Variants in MYO10 observed in about 807,000 individuals in gnomAD.
MYO10 encodes myosin X, also known as unconventional myosin-X.
In MYO10, 133 loss-of-function variants were observed where a neutral mutation model predicts 257.3. The ratio of observed to expected loss-of-function variants is 0.52; its 90% CI spans 0.45 to 0.60. The LOEUF is 0.60. Among genes scored for constraint, MYO10 ranks in the 20% least tolerant of loss-of-function variants. The pLI is 0.00. For missense variants in MYO10, 2,399 were observed against 2,635.7 expected, an observed-to-expected ratio of 0.91 and a Z score of 1.97; for synonymous variants, 1,104 against 1,028.6, an observed-to-expected ratio of 1.07 and a Z score of -1.40.
chr5:16,866,855 G>A (rs1336877840), intron 2 of MYO10, among the ~76,000 whole-genome samples: 2 of 152,064 alleles, frequency 1.3e-5, no homozygotes, highest in Non-Finnish European at 2.9e-5. Flanking sequence ...CCAACCTCAC[G>A]CATTTACTGC....
intron 19 of MYO10, among the ~76,000 whole-genome samples, chr5:16,754,190 T>C (rs1282849840): frequency 2.0e-5 from 3 of 152,176 alleles, no homozygotes; most frequent in Non-Finnish European, 4.4e-5. Context: ...CCTAATTAGC[T>C]GTGGATTCAG....
intron 2 of MYO10, among the ~76,000 whole-genome samples, chr5:16,854,748 T>C (rs907497169): frequency 1.3e-5 from 2 of 152,086 alleles, no homozygotes; most frequent in Non-Finnish European, 2.9e-5. Flanking sequence ...AACAAAACTA[T>C]TGGCCGGGCA....
At chr5:16,676,984 C>T (rs772155650) in intron 33 of MYO10, among the ~76,000 whole-genome samples, 1 of 152,192 alleles carries the variant, frequency 6.6e-6, no homozygotes, top group East Asian at 1.9e-4. Flanking sequence ...TTTCTATTCT[C>T]TCTATACCTG....
chr5:16,793,741 C>T (rs1225346858), intron 4 of MYO10, among the ~76,000 whole-genome samples: 1 of 152,016 alleles, frequency 6.6e-6, no homozygotes, highest in Non-Finnish European at 1.5e-5. Flanking sequence ...ACCAGCCTGA[C>T]CAACACAGAG....
intron 2 of MYO10, among the ~76,000 whole-genome samples, chr5:16,866,051 AC>A (rs1452491571): frequency 4.0e-5 from 6 of 149,846 alleles, no homozygotes; most frequent in Admixed American, 2.0e-4. Context: ...ACACACACAC[AC>A]ACACACAAAA....
At chr5:16,810,288 C>T (rs27623) in intron 3 of MYO10, among the ~76,000 whole-genome samples, 2,077 of 151,968 alleles carry the variant, frequency 0.014, 20 homozygotes, top group Middle Eastern at 0.02. Flanking sequence ...TTGACAAGAC[C>T]GGGAGACAGT....
intron 2 of MYO10, among the ~76,000 whole-genome samples, chr5:16,822,263 T>TG (rs767625381): frequency 7.2e-6 from 1 of 138,620 alleles, no homozygotes; most frequent in Non-Finnish European, 1.5e-5. Flanking sequence ...AAATAAAAGT[T>TG]GGAAAAAAAA....
At chr5:16,909,821 T>G (rs1462579122) in intron 1 of MYO10, among the ~76,000 whole-genome samples, 6 of 152,114 alleles carry the variant, frequency 3.9e-5, no homozygotes, top group Non-Finnish European at 8.8e-5. Flanking sequence ...AGGAACTCAT[T>G]CTTACAGGGA....
At chr5:16,819,634 G>A (rs1460953831) in intron 2 of MYO10, among the ~76,000 whole-genome samples, 1 of 152,192 alleles carries the variant, frequency 6.6e-6, no homozygotes, top group Non-Finnish European at 1.5e-5. Flanking sequence ...GTGCATGTGT[G>A]CACACAAAAC....
At chr5:16,896,882 C>G (rs1164649279) in intron 1 of MYO10, among the ~76,000 whole-genome samples, 1 of 152,030 alleles carries the variant, frequency 6.6e-6, no homozygotes, top group East Asian at 1.9e-4. Context: ...TTCGGTGATT[C>G]TCAAACCTGG....
At chr5:16,739,409 T>C (rs992561755) in intron 19 of MYO10, among the ~76,000 whole-genome samples, 4 of 152,208 alleles carry the variant, frequency 2.6e-5, no homozygotes, top group African/African-American at 9.6e-5. Flanking sequence ...ATTAAAGCTA[T>C]ACATCCATTG....
In MYO10 at chr5:16,699,565, A is replaced by G. The variant is rs1191943951; in HGVS notation, c.3441T>C (p.Asp1147=). ...SSEGAQSSFE[D]SEEDFDSRFD... Reference sequence around the variant, plus strand: ...ACCTGGAATCAAAGTCCTCTTCACTATCTTCAAACTGGACCGAGAGAGAGA... The same window carrying G: ...ACCTGGAATCAAAGTCCTCTTCACTGTCTTCAAACTGGACCGAGAGAGAGA... Residue 1147 remains aspartate (D), a synonymous_variant, in exon 26 of 41, where the codon GAT becomes GAC. Transcript: ENST00000513610. The G allele has an allele frequency of 2.5e-6, 4 of 1,613,606 alleles. No individual in the cohort carries two copies. Among genetic ancestry groups the G allele is most frequent in the Non-Finnish European group, 3.4e-6 (4 of 1,179,874 alleles).
Position 16,673,766 on chromosome 5 carries a change from G to A in MYO10, c.5088C>T (p.His1696=), listed in dbSNP as rs2126472648. ...PSRDEIEALI[H]RQEMTSTVYC... Reference sequence around the variant, plus strand: ...AGACCGTGGATGTCATTTCCTGCCTGTGGATCAGAGCTTCTATTTCATCTC... The same window carrying A: ...AGACCGTGGATGTCATTTCCTGCCTATGGATCAGAGCTTCTATTTCATCTC... Residue 1696 remains histidine (H), a synonymous_variant, in exon 36 of 41, where the codon CAC becomes CAT. Coordinates refer to ENST00000513610, the MANE Select transcript of MYO10 (RefSeq NM_012334.3). 2.5e-6 allele frequency: 4 copies of A among 1,614,014 alleles called. No individual in the cohort carries two copies. The highest frequency in any genetic ancestry group is 2.2e-5 in the South Asian group (2 of 91,078).
chr5:16,707,695 GC>G (rs1257103246), intron 21 of MYO10, among the ~76,000 whole-genome samples: 1 of 152,194 alleles, frequency 6.6e-6, no homozygotes, highest in Non-Finnish European at 1.5e-5. Context: ...AGAGGGACCA[GC>G]TGCCCACCTC....
intron 19 of MYO10, among the ~76,000 whole-genome samples, chr5:16,718,272 G>GACGAGCACCGCCCCCTGCTCC: frequency 6.6e-6 from 1 of 152,336 alleles, no homozygotes; most frequent in Non-Finnish European, 1.5e-5. Flanking sequence ...GAGCCTCCCT[G>GACGAGCACCGCCCCCTGCTCC]ACGAGCACCG....
intron 1 of MYO10, among the ~76,000 whole-genome samples, chr5:16,920,306 A>G (rs781642040): frequency 1.8e-4 from 28 of 152,160 alleles, no homozygotes; most frequent in Admixed American, 7.9e-4. Flanking sequence ...AAATAAATAA[A>G]AGTGTTCCTG....
intron 19 of MYO10, among the ~76,000 whole-genome samples, chr5:16,730,565 T>C (rs1739540183): frequency 1.3e-5 from 2 of 152,170 alleles, no homozygotes; most frequent in South Asian, 4.1e-4. Flanking sequence ...CAAATCAGTA[T>C]GGAGCAGAGG....
chr5:16,892,485 A>T (rs1322088261), intron 1 of MYO10, among the ~76,000 whole-genome samples: 2 of 152,160 alleles, frequency 1.3e-5, no homozygotes, highest in East Asian at 3.9e-4. Context: ...CTACAAAAAA[A>T]TTCAAAAATT....
chr5:16,781,205 A>G (rs1023348590), intron 6 of MYO10, among the ~76,000 whole-genome samples: 1 of 151,488 alleles, frequency 6.6e-6, no homozygotes, highest in African/African-American at 2.4e-5. Context: ...TCAGCCTCCC[A>G]AGTAGCTGGG....
Sources: allele counts gnomAD v4.1 joint callset (sites outside exome capture counted in the v4.1 genomes callset), GRCh38; gene constraint gnomAD v4.1.1; transcripts MANE v1.5; gene names NCBI Gene and HGNC (gene_info 2026-07-23, HGNC 2026-07-21).